The following ADGRB3 variants were observed in gnomAD, a reference collection of about 807,000 sequenced individuals.
ADGRB3 encodes brain-specific angiogenesis inhibitor 3.
A neutral mutation model predicts 193.4 loss-of-function variants in ADGRB3; 37 were observed. That is an observed-to-expected ratio of 0.19 (90% confidence interval 0.15 to 0.25). The LOEUF is 0.25. ADGRB3 is among the 10% of genes least tolerant of loss of function. ADGRB3 has a pLI of 1.00. For synonymous variants in ADGRB3, 690 were observed against 644.2 expected (o/e 1.07, Z -1.08); for missense variants, 1,637 against 1,852.9 (o/e 0.88, Z 2.14).
intron 6 of ADGRB3, among the ~76,000 whole-genome samples, chr6:68,954,482 T>C (rs1287227575): frequency 1.3e-5 from 2 of 152,102 alleles, no homozygotes; most frequent in Non-Finnish European, 2.9e-5. Context: ...ATCCTCTCTT[T>C]GCATCAGCTC....
chr6:68,790,680 T>A (rs929207879), intron 3 of ADGRB3, among the ~76,000 whole-genome samples: 6 of 152,156 alleles, frequency 3.9e-5, no homozygotes, highest in African/African-American at 1.4e-4. Context: ...GTAAACAGGG[T>A]CTGGAGTGGA....
chr6:69,045,381 T>C (rs1225752988), intron 13 of ADGRB3, among the ~76,000 whole-genome samples: 1 of 152,124 alleles, frequency 6.6e-6, no homozygotes, highest in Non-Finnish European at 1.5e-5. Context: ...TGTAAAAACA[T>C]GTATATTGAT....
intron 3 of ADGRB3, among the ~76,000 whole-genome samples, chr6:68,917,449 A>T (rs1440098753): frequency 6.6e-6 from 1 of 152,108 alleles, no homozygotes; most frequent in Non-Finnish European, 1.5e-5. Context: ...TTTCTTCTAC[A>T]TGATAAGTTT....
At chr6:68,783,110 T>C (rs909925497) in intron 3 of ADGRB3, among the ~76,000 whole-genome samples, 2 of 151,644 alleles carry the variant, frequency 1.3e-5, no homozygotes, top group South Asian at 4.1e-4. Flanking sequence ...ATTGTTTAAA[T>C]ATAGTTTATT....
At chr6:69,141,153 T>A (rs1432031443) in intron 17 of ADGRB3, among the ~76,000 whole-genome samples, 1 of 148,568 alleles carries the variant, frequency 6.7e-6, no homozygotes, top group African/African-American at 2.5e-5. Context: ...GGACGGAGTC[T>A]TGCTCTGTCG....
intron 3 of ADGRB3, among the ~76,000 whole-genome samples, chr6:68,678,868 C>T (rs1764826736): frequency 6.6e-6 from 1 of 152,006 alleles, no homozygotes; most frequent in Non-Finnish European, 1.5e-5. Context: ...GTAGTAATAA[C>T]AATATCAGAG....
At chr6:68,913,978 AG>A (rs1766800588) in intron 3 of ADGRB3, among the ~76,000 whole-genome samples, 1 of 151,156 alleles carries the variant, frequency 6.6e-6, no homozygotes. Context: ...TGAAGCGAGA[AG>A]GGAAGTTTAG....
At chr6:69,355,912 C>G (rs759568959) in intron 28 of ADGRB3, 52 bp downstream of exon 28, 1 of 1,409,734 alleles carries the variant, frequency 7.1e-7, no homozygotes. Flanking sequence ...TCAATCATTT[C>G]TATAGATTTT....
chr6:69,257,943 G>T (rs1766817984), intron 20 of ADGRB3, among the ~76,000 whole-genome samples: 1 of 152,200 alleles, frequency 6.6e-6, no homozygotes, highest in African/African-American at 2.4e-5. Flanking sequence ...AAACGTGGTT[G>T]TTATCCTATA....
At chr6:68,919,911 A>G (rs895436378) in intron 3 of ADGRB3, among the ~76,000 whole-genome samples, 6 of 152,164 alleles carry the variant, frequency 3.9e-5, no homozygotes, top group Middle Eastern at 3.2e-3. Context: ...AGAGAATGAA[A>G]TGGGAAATTA....
At chr6:68,724,498 C>T (rs1429901864) in intron 3 of ADGRB3, among the ~76,000 whole-genome samples, 1 of 151,466 alleles carries the variant, frequency 6.6e-6, no homozygotes, top group Non-Finnish European at 1.5e-5. Context: ...AGACTAGCAG[C>T]ATCTTTTATA....
Position 69,078,543 on chromosome 6 carries a change from A to G in ADGRB3, c.2480+2505A>G, listed in dbSNP as rs62416811. Among the ~76,000 whole-genome samples, 438 of 152,104 alleles carry G rather than the reference A, an allele frequency of 2.9e-3. 3 individuals carry two copies. The highest frequency in any genetic ancestry group is 6.8e-3 in the Middle Eastern group (2 of 294). The stretch of plus-strand genomic sequence containing the variant: ...GGAAAATTTATTTTACACTACCTAT[A>G]TTTCATTCCTCGTATCTGCTGCATT... On this transcript the variant is annotated intron_variant, in intron 17 of 31. Transcript: ENST00000370598.
At chr6:69,169,557 G>A (rs1038132385) in intron 17 of ADGRB3, among the ~76,000 whole-genome samples, 4 of 149,514 alleles carry the variant, frequency 2.7e-5, no homozygotes, top group Non-Finnish European at 5.9e-5. Flanking sequence ...CACGAATTGT[G>A]ATTAAATTAT....
At chr6:68,981,659 G>A (rs568957548) in intron 10 of ADGRB3, among the ~76,000 whole-genome samples, 1 of 151,504 alleles carries the variant, frequency 6.6e-6, no homozygotes, top group African/African-American at 2.4e-5. Flanking sequence ...CAAGAGCACA[G>A]CTACAGACAG....
chr6:69,347,715 G>T (rs956013436), intron 26 of ADGRB3, among the ~76,000 whole-genome samples: 7 of 151,964 alleles, frequency 4.6e-5, no homozygotes, highest in East Asian at 1.9e-4. Flanking sequence ...AGCTCAGGAG[G>T]TCAAGACTGC....
chr6:68,810,730 G>A (rs971717225), intron 3 of ADGRB3, among the ~76,000 whole-genome samples: 1 of 151,970 alleles, frequency 6.6e-6, no homozygotes, highest in African/African-American at 2.4e-5. Context: ...AAATGAAAAA[G>A]CATAATTAGA....
intron 17 of ADGRB3, among the ~76,000 whole-genome samples, chr6:69,123,723 T>C (rs1773780954): frequency 1.3e-5 from 2 of 152,152 alleles, no homozygotes; most frequent in African/African-American, 2.4e-5. Flanking sequence ...GAATCATATA[T>C]GGAGAAGAGA....
At chr6:69,320,208 C>A (rs535720392) in intron 20 of ADGRB3, among the ~76,000 whole-genome samples, 1 of 151,528 alleles carries the variant, frequency 6.6e-6, no homozygotes, top group South Asian at 2.1e-4. Flanking sequence ...TCCCTTGCAA[C>A]TCTAATCTCT....
At chr6:69,199,791 T>C (rs1765381661) in intron 17 of ADGRB3, among the ~76,000 whole-genome samples, 1 of 152,098 alleles carries the variant, frequency 6.6e-6, no homozygotes, top group Non-Finnish European at 1.5e-5. Flanking sequence ...TAGAAATTAT[T>C]TGAGCTCTCT....
Sources: allele counts gnomAD v4.1 joint callset (sites outside exome capture counted in the v4.1 genomes callset), GRCh38; gene constraint gnomAD v4.1.1; transcripts MANE v1.5; gene names NCBI Gene and HGNC (gene_info 2026-07-23, HGNC 2026-07-21).